The following PARVA variants were observed in gnomAD, a reference collection of about 807,000 sequenced individuals.
PARVA encodes the protein parvin alpha.
A neutral mutation model predicts 52.6 loss-of-function variants in PARVA; 25 were observed. That is an observed-to-expected ratio of 0.48 (90% confidence interval 0.35 to 0.66). The LOEUF is 0.66. PARVA is among the 30% of genes least tolerant of loss of function. PARVA has a pLI of 0.01. For synonymous variants in PARVA, 185 were observed against 179.1 expected, an observed-to-expected ratio of 1.03 and a Z score of -0.26; for missense variants, 373 against 450.9, an observed-to-expected ratio of 0.83 and a Z score of 1.56.
intron 1 of PARVA, among the ~76,000 whole-genome samples, chr11:12,388,635 C>A (rs1939613089): frequency 6.6e-6 from 1 of 152,076 alleles, no homozygotes; most frequent in African/African-American, 2.4e-5. Context: ...GTTCCAGCTC[C>A]CAAAGGCAAT....
Position 12,527,846 on chromosome 11 carries a change from C to T in PARVA, c.1043-3C>T. On this transcript the variant is annotated splice_region_variant and splice_polypyrimidine_tract_variant and intron_variant, in intron 12 of 12. Coordinates refer to ENST00000334956, the MANE Select transcript of PARVA (RefSeq NM_018222.5). The stretch of plus-strand genomic sequence containing the variant: ...CAATTGGTGTTTTTTGTTTTCTACG[C>T]AGACATAGTCAACTGTGACCTGAAA... 2 of 1,604,480 alleles carry T rather than the reference C, an allele frequency of 1.2e-6. No homozygotes were observed. The highest frequency in any genetic ancestry group is 1.7e-6 in the Non-Finnish European group (2 of 1,174,890).
At chr11:12,395,255 T>A (rs555419866) in intron 1 of PARVA, among the ~76,000 whole-genome samples, 2 of 152,074 alleles carry the variant, frequency 1.3e-5, no homozygotes, top group South Asian at 2.1e-4. Flanking sequence ...CTGTATAATT[T>A]AAAAAAAAAG....
intron 12 of PARVA, among the ~76,000 whole-genome samples, chr11:12,524,264 G>T (rs532302055): frequency 5.3e-4 from 80 of 152,252 alleles, no homozygotes; most frequent in African/African-American, 1.1e-3. Flanking sequence ...TTTCATAAAG[G>T]TATTGCCCAA....
intron 4 of PARVA, among the ~76,000 whole-genome samples, chr11:12,488,907 A>T (rs1941196509): frequency 6.6e-6 from 1 of 152,238 alleles, no homozygotes; most frequent in African/African-American, 2.4e-5. Context: ...CAGAGTTAAA[A>T]TTCCAAGGAA....
chr11:12,492,958 G>T (rs1475771578), intron 4 of PARVA, among the ~76,000 whole-genome samples: 1 of 152,018 alleles, frequency 6.6e-6, no homozygotes, highest in African/African-American at 2.4e-5. Flanking sequence ...GAAAAATAAT[G>T]AGTTATATTC....
rs539319147 is a variant in PARVA, at chr11:12,530,319, A to G, written c.*2394A>G. The G allele has an allele frequency of 3.9e-5, 6 of 152,306 alleles. No homozygotes were observed. In the East Asian group the frequency reaches 7.7e-4, roughly 20 times the overall value. 9.4% of individuals were successfully genotyped at this position (152,306 alleles called of 1,614,324 possible). On this transcript the variant is annotated 3_prime_UTR_variant, in exon 13 of 13. Coordinates refer to ENST00000334956, the MANE Select transcript of PARVA (RefSeq NM_018222.5). ...GAACCTGGAATCTCCTACTTAATAT[A>G]TGACCATGACTTTGAAAGGCAAAAG...
At chr11:12,490,826 G>A (rs766364258) in intron 4 of PARVA, among the ~76,000 whole-genome samples, 54 of 152,252 alleles carry the variant, frequency 3.5e-4, no homozygotes, top group Non-Finnish European at 6.0e-4. Flanking sequence ...GAGTCAACGC[G>A]TGCTGAGGTC....
intron 1 of PARVA, among the ~76,000 whole-genome samples, chr11:12,446,971 G>A (rs913652551): frequency 3.3e-5 from 5 of 152,214 alleles, no homozygotes; most frequent in Admixed American, 6.5e-5. Context: ...CATACAGGAT[G>A]AGTAACTTCT....
At chr11:12,418,218 G>A (rs1027079249) in intron 1 of PARVA, among the ~76,000 whole-genome samples, 8 of 152,166 alleles carry the variant, frequency 5.3e-5, no homozygotes. Flanking sequence ...AGCCCAGGCC[G>A]CCTACCTGGG....
intron 1 of PARVA, among the ~76,000 whole-genome samples, chr11:12,418,562 C>T (rs560428097): frequency 3.0e-4 from 45 of 152,250 alleles, no homozygotes; most frequent in Admixed American, 5.9e-4. Flanking sequence ...CTGCCACAGC[C>T]TCCCCCACCC....
At chr11:12,414,633 TTTCA>T (rs1940038875) in intron 1 of PARVA, among the ~76,000 whole-genome samples, 1 of 121,330 alleles carries the variant, frequency 8.2e-6, no homozygotes, top group Non-Finnish European at 1.7e-5. Context: ...CTGCTGAAAA[TTTCA>T]TTTTTTTTTT....
chr11:12,437,436 C>T (rs747507475), intron 1 of PARVA, among the ~76,000 whole-genome samples: 3 of 152,208 alleles, frequency 2.0e-5, no homozygotes, highest in East Asian at 1.9e-4. Flanking sequence ...GTGCCCTGGA[C>T]GTATTTCTAT....
At chr11:12,449,181 A>C (rs1453203371) in intron 1 of PARVA, among the ~76,000 whole-genome samples, 1 of 151,756 alleles carries the variant, frequency 6.6e-6, no homozygotes, top group East Asian at 1.9e-4. Flanking sequence ...TTTTGGAGAC[A>C]GTCTCCCCGT....
chr11:12,427,781 CTT>C (rs1335135673), intron 1 of PARVA, among the ~76,000 whole-genome samples: 8 of 152,226 alleles, frequency 5.3e-5, no homozygotes, highest in Non-Finnish European at 1.0e-4. Flanking sequence ...ATGTTCCTAA[CTT>C]TTACTCTCTT....
intron 3 of PARVA, among the ~76,000 whole-genome samples, chr11:12,475,238 A>T (rs974835063): frequency 6.6e-6 from 1 of 152,226 alleles, no homozygotes; most frequent in Non-Finnish European, 1.5e-5. Context: ...CACTCTGAGT[A>T]GAATGCCTCT....
At chr11:12,523,180 G>A (rs1941660294) in intron 12 of PARVA, among the ~76,000 whole-genome samples, 1 of 152,196 alleles carries the variant, frequency 6.6e-6, no homozygotes, top group African/African-American at 2.4e-5. Flanking sequence ...TAGGGCAGTA[G>A]GTCACCACGA....
At chr11:12,428,828 A>G (rs1940274607) in intron 1 of PARVA, among the ~76,000 whole-genome samples, 1 of 152,246 alleles carries the variant, frequency 6.6e-6, no homozygotes, top group African/African-American at 2.4e-5. Context: ...TAAATTTAAA[A>G]TGTTATAAAT....
chr11:12,489,283 A>C (rs190827193), intron 4 of PARVA, among the ~76,000 whole-genome samples: 2 of 152,290 alleles, frequency 1.3e-5, no homozygotes, highest in African/African-American at 4.8e-5. Context: ...AGAAACTATT[A>C]AGACTGGAAG....
chr11:12,413,799 C>T (rs1355952448), intron 1 of PARVA, among the ~76,000 whole-genome samples: 1 of 152,250 alleles, frequency 6.6e-6, no homozygotes. Flanking sequence ...CAGAACCAAA[C>T]TTGGAGAACA....
Sources: gnomAD v4.1 joint callset for allele counts (sites outside exome capture counted in the v4.1 genomes callset) on GRCh38, gnomAD v4.1.1 for gene constraint, MANE v1.5 for transcripts, NCBI Gene and HGNC (gene_info 2026-07-23, HGNC 2026-07-21) for gene names.